The following DST variants were observed in gnomAD, a reference collection of about 807,000 sequenced individuals.
The protein encoded by DST is bullous pemphigoid antigen.
In DST, 253 loss-of-function variants were observed where a neutral mutation model predicts 875.2. The ratio of observed to expected loss-of-function variants is 0.29; its 90% CI spans 0.26 to 0.32. The LOEUF is 0.32. DST is among the 10% of genes least tolerant of loss of function. The pLI is 1.00. For synonymous variants in DST, 3,124 were observed against 3,197.1 expected (o/e 0.98, Z 0.77); for missense variants, 8,287 against 9,111.6 (o/e 0.91, Z 3.68).
chr6:56,631,287 T>A lies in DST; in HGVS notation c.4066A>T (p.Thr1356Ser). Residue 1356 changes from threonine to serine, a missense_variant, in exon 30 of 104, where the codon ACC becomes TCC. Physicochemically the swap from Thr to Ser is moderately conservative, Grantham distance 58 (BLOSUM62 1). Coordinates refer to ENST00000680361, the MANE Select transcript of DST (RefSeq NM_001374736.1). ...ACCACATTAAGCTCTGATCGTAGGG[T>A]AGGGACTGATGAAGAGGCTGCTGCT... ...SQAAASSSVPTLRSELNVVLQ... is the reference protein window; with the variant it reads ...SQAAASSSVPSLRSELNVVLQ... 1.2e-6 allele frequency: 2 copies of A among 1,613,966 alleles called. No homozygotes were observed. Among genetic ancestry groups the A allele is most frequent in the East Asian group, 4.5e-5 (2 of 44,838 alleles).
At chr6:56,907,276 G>A (rs1170474270) in intron 2 of DST, among the ~76,000 whole-genome samples, 1 of 152,118 alleles carries the variant, frequency 6.6e-6, no homozygotes, top group Admixed American at 6.5e-5. Context: ...AGACAGTCAG[G>A]TCCTGTTACC....
At position 56,842,999 on chromosome 6, in the gene DST, C is replaced by A. The variant is rs972984964; in HGVS notation, c.625+8398G>T. 2.3e-6 allele frequency: 3 copies of A among 1,330,376 alleles called. No individual in the cohort carries two copies. In the African/African-American group the frequency reaches 4.4e-5, roughly 20 times the overall value. 82.4% of individuals were successfully genotyped at this position (1,330,376 alleles called of 1,614,324 possible). On this transcript the variant is annotated intron_variant, in intron 4 of 103. Transcript: ENST00000680361. ...GGTGGCTCTGATTAAGGAAAGGCAG[C>A]GGTTGCCTCTCTGATCAGTGCCAAG...
chr6:56,702,486 CAG>C (rs1429242111), intron 7 of DST, among the ~76,000 whole-genome samples: 1 of 151,766 alleles, frequency 6.6e-6, no homozygotes, highest in East Asian at 1.9e-4. Context: ...AGGAGAAAGA[CAG>C]AGAAGGTTTA....
intron 83 of DST, among the ~76,000 whole-genome samples, chr6:56,493,317 T>C (rs897661926): frequency 6.6e-6 from 1 of 152,096 alleles, no homozygotes; most frequent in Non-Finnish European, 1.5e-5. Flanking sequence ...TAAAAAAAAA[T>C]TAATATACGC....
At chr6:56,787,020 A>G (rs2153000083) in intron 4 of DST, among the ~76,000 whole-genome samples, 1 of 152,380 alleles carries the variant, frequency 6.6e-6, no homozygotes, top group South Asian at 2.1e-4. Flanking sequence ...ACCATGTGCC[A>G]GGCACCGTTT....
chr6:56,590,417 T>A (rs1480584246), intron 49 of DST, among the ~76,000 whole-genome samples: 1 of 152,118 alleles, frequency 6.6e-6, no homozygotes, highest in Non-Finnish European at 1.5e-5. Context: ...TTTCTATACT[T>A]AAAATAACTT....
intron 10 of DST, among the ~76,000 whole-genome samples, chr6:56,664,770 G>A (rs781051532): frequency 5.9e-5 from 9 of 151,998 alleles, no homozygotes; most frequent in Admixed American, 2.0e-4. Context: ...TAGCAATAAG[G>A]TTGTATTATA....
intron 102 of DST, chr6:56,462,014 T>A (rs750397392): frequency 6.6e-6 from 1 of 152,234 alleles, no homozygotes; most frequent in Non-Finnish European, 1.5e-5. Flanking sequence ...CTGTCACTTA[T>A]TATTAATGTG....
intron 10 of DST, 89 bp from the exon 11 acceptor site, chr6:56,651,333 A>G (rs1018840347): frequency 4.3e-6 from 3 of 698,410 alleles, no homozygotes; most frequent in African/African-American, 1.8e-5. Context: ...ACATAACAAC[A>G]TCTGCTAATA....
chr6:56,688,150 C>T (rs570691706), intron 9 of DST, among the ~76,000 whole-genome samples: 202 of 152,238 alleles, frequency 1.3e-3, no homozygotes, highest in African/African-American at 4.6e-3. Context: ...GTTATGAAAT[C>T]TAAATGACTA....
In DST at chr6:56,689,365, G is replaced by A. The variant is rs980551065; in HGVS notation, c.1047+10288C>T. Among the ~76,000 whole-genome samples the A allele has an allele frequency of 2.6e-5, 4 of 152,108 alleles. 1 individual carries two copies. In the South Asian group the frequency reaches 8.3e-4, roughly 32 times the overall value. ...CTTCGATCTTCTGCCTGCCAGGCCC[G>A]TAGTCCACATTGCTTATCAGAAAAC... is the stretch of plus-strand genomic sequence containing the variant. On this transcript the variant is annotated intron_variant, in intron 9 of 103. Transcript: ENST00000680361.
intron 12 of DST, among the ~76,000 whole-genome samples, chr6:56,649,876 CAGAAAGCTGTA>C (rs1339225464): frequency 6.6e-6 from 1 of 152,112 alleles, no homozygotes; most frequent in East Asian, 1.9e-4. Context: ...AAAATGGAGA[CAGAAAGCTGTA>C]GGAAAGCTAT....
chr6:56,632,821 G>A (rs1354557985), intron 28 of DST, 33 bp downstream of exon 28: 1 of 1,592,480 alleles, frequency 6.3e-7, no homozygotes, highest in Admixed American at 1.7e-5. Context: ...AAACACCTAT[G>A]GGGAAAAAAA....
chr6:56,807,023 A>AT (rs1306776921), intron 4 of DST, among the ~76,000 whole-genome samples: 12 of 151,860 alleles, frequency 7.9e-5, no homozygotes, highest in African/African-American at 2.7e-4. Context: ...AGATCAAATG[A>AT]CTCAATATTG....
intron 5 of DST, among the ~76,000 whole-genome samples, chr6:56,719,123 GT>G (rs2099405227): frequency 6.6e-6 from 1 of 152,068 alleles, no homozygotes; most frequent in African/African-American, 2.4e-5. Context: ...TGACAGCAGT[GT>G]TCACACATGA....
At chr6:56,904,859 G>A (rs1278181150) in intron 2 of DST, among the ~76,000 whole-genome samples, 7 of 152,142 alleles carry the variant, frequency 4.6e-5, no homozygotes, top group Admixed American at 6.6e-5. Flanking sequence ...GCGCAATATC[G>A]GCTCACTGCA....
At chr6:56,588,355 C>T (rs955000665) in intron 49 of DST, among the ~76,000 whole-genome samples, 5 of 152,196 alleles carry the variant, frequency 3.3e-5, no homozygotes, top group Admixed American at 3.3e-4. Flanking sequence ...CAACCTACCC[C>T]CGCCATCCTG....
rs1339654469 is a variant in DST at position 56,785,092 on chromosome 6, G to C, written c.626-49803C>G. Among the ~76,000 whole-genome samples the C allele has an allele frequency of 4.6e-5, 7 of 152,294 alleles. No homozygotes were observed. In the East Asian group the frequency reaches 1.4e-3, roughly 29 times the overall value. On this transcript the variant is annotated intron_variant, in intron 4 of 103. Coordinates refer to ENST00000680361, the MANE Select transcript of DST (RefSeq NM_001374736.1). ...GTCTGATCGTTCCTCTGGAAGTTTT[G>C]TCTCAGAGGAGTACCCGGCCGTGCG...
intron 78 of DST, among the ~76,000 whole-genome samples, chr6:56,502,047 G>A (rs1380309716): frequency 6.6e-6 from 1 of 152,068 alleles, no homozygotes. Flanking sequence ...TGAAACATAT[G>A]TTGACACATA....
Sources: allele counts gnomAD v4.1 joint callset (sites outside exome capture counted in the v4.1 genomes callset), GRCh38; gene constraint gnomAD v4.1.1; transcripts MANE v1.5; gene names NCBI Gene and HGNC (gene_info 2026-07-23, HGNC 2026-07-21).